The following RABEP1 variants were observed in gnomAD, a reference collection of about 807,000 sequenced individuals.
RABEP1 encodes rabaptin, RAB GTPase binding effector protein 1.
In RABEP1, 51 loss-of-function variants were observed where a neutral mutation model predicts 123.4. The ratio of observed to expected loss-of-function variants is 0.41; its 90% CI spans 0.33 to 0.52. The LOEUF is 0.52. Among genes scored for constraint, RABEP1 ranks in the 20% least tolerant of loss-of-function variants. RABEP1 has a pLI of 0.16. For synonymous variants in RABEP1, 347 were observed against 355.2 expected (o/e 0.98, Z 0.26); for missense variants, 888 against 996.3 (o/e 0.89, Z 1.46).
chr17:5,298,033 A>C (rs1352424141), intron 1 of RABEP1, among the ~76,000 whole-genome samples: 2 of 152,134 alleles, frequency 1.3e-5, no homozygotes, highest in African/African-American at 4.8e-5. Flanking sequence ...AATCTCCTTC[A>C]TCCACATGTA....
intron 12 of RABEP1, among the ~76,000 whole-genome samples, chr17:5,368,976 T>G (rs1257256699): frequency 6.6e-6 from 1 of 152,034 alleles, no homozygotes; most frequent in Non-Finnish European, 1.5e-5. Flanking sequence ...GGCGTGGTGG[T>G]GTGCACCTGC....
At chr17:5,347,345 G>A (rs1027478039) in intron 6 of RABEP1, among the ~76,000 whole-genome samples, 7 of 152,202 alleles carry the variant, frequency 4.6e-5, no homozygotes, top group Admixed American at 4.6e-4. Flanking sequence ...AGGAGGCAGA[G>A]GTTGCGGTGA....
At chr17:5,368,130 T>C (rs554292741) in intron 11 of RABEP1, among the ~76,000 whole-genome samples, 2 of 152,294 alleles carry the variant, frequency 1.3e-5, no homozygotes, top group African/African-American at 4.8e-5. Context: ...TAGAAACCCA[T>C]AGAATGCTCT....
chr17:5,323,276 A>C (rs547557031), intron 2 of RABEP1, among the ~76,000 whole-genome samples: 1 of 152,304 alleles, frequency 6.6e-6, no homozygotes, highest in East Asian at 1.9e-4. Flanking sequence ...GAAGAGTTGA[A>C]GGCCTTTCCT....
At position 5,331,936 on chromosome 17, in the gene RABEP1, C is replaced by A; in HGVS notation, c.164-13C>A. ...GTGAACATTAATGGACTATCTTTTA[C>A]TTTTCTCTCCAGAGGATCTGAAGAG... On this transcript the variant is annotated splice_polypyrimidine_tract_variant and intron_variant, in intron 2 of 17. Coordinates refer to ENST00000537505, the MANE Select transcript of RABEP1 (RefSeq NM_004703.6). 3 of 1,612,586 alleles carry A rather than the reference C, an allele frequency of 1.9e-6. No homozygotes were observed. Among genetic ancestry groups the A allele is most frequent in the Non-Finnish European group, 2.5e-6 (3 of 1,178,756 alleles).
At chr17:5,284,761 C>T (rs569107703) in intron 1 of RABEP1, among the ~76,000 whole-genome samples, 2 of 151,826 alleles carry the variant, frequency 1.3e-5, no homozygotes, top group South Asian at 2.1e-4. Flanking sequence ...CCCGTGAGTC[C>T]GGCTTTTGGG....
intron 11 of RABEP1, among the ~76,000 whole-genome samples, chr17:5,367,427 A>T (rs962712812): frequency 6.6e-5 from 10 of 150,598 alleles, no homozygotes; most frequent in South Asian, 2.1e-4. Flanking sequence ...ACCCGCCACC[A>T]CGCCCGGCTA....
At chr17:5,360,274 A>G (rs1186176514) in intron 8 of RABEP1, among the ~76,000 whole-genome samples, 1 of 152,198 alleles carries the variant, frequency 6.6e-6, no homozygotes, top group Non-Finnish European at 1.5e-5. Flanking sequence ...AAAATACCAC[A>G]TTCTTGGGCC....
rs1406052529 is a variant in RABEP1 at position 5,282,452 on chromosome 17, G to T, written c.-35G>T. ...CGGGAGCCCAGGACGCCGCTTCCCC[G>T]CCCATCCCCGCTCCCCGAGGCCGGC... is the stretch of plus-strand genomic sequence containing the variant. On this transcript the variant is annotated 5_prime_UTR_variant, in exon 1 of 18. Coordinates refer to ENST00000537505, the MANE Select transcript of RABEP1 (RefSeq NM_004703.6). The T allele has an allele frequency of 1.5e-6, 2 of 1,344,196 alleles. No homozygotes were observed. The highest frequency in any genetic ancestry group is 1.8e-5 in the South Asian group (1 of 57,110). 83.3% of individuals were successfully genotyped at this position (1,344,196 alleles called of 1,614,324 possible).
chr17:5,294,633 C>T (rs12950229), intron 1 of RABEP1, among the ~76,000 whole-genome samples: 112 of 53,018 alleles, frequency 2.1e-3, no homozygotes, highest in Admixed American at 3.5e-3. Context: ...ACGGTATTGT[C>T]TTTTTTTTTT....
At chr17:5,343,232 A>G (rs180963862) in intron 5 of RABEP1, among the ~76,000 whole-genome samples, 1 of 152,246 alleles carries the variant, frequency 6.6e-6, no homozygotes, top group East Asian at 1.9e-4. Context: ...AGCCTAGGCG[A>G]CGAGTGAAAC....
chr17:5,356,788 C>G (rs909611896), intron 8 of RABEP1, among the ~76,000 whole-genome samples: 1 of 149,648 alleles, frequency 6.7e-6, no homozygotes, highest in African/African-American at 2.5e-5. Flanking sequence ...GTAGCTGAGA[C>G]TACAGGCATC....
intron 4 of RABEP1, among the ~76,000 whole-genome samples, chr17:5,335,740 A>G (rs1238283425): frequency 6.6e-6 from 1 of 152,168 alleles, no homozygotes; most frequent in Admixed American, 6.5e-5. Context: ...CCTTGCTAAA[A>G]TATAAGCTCT....
chr17:5,339,658 C>T (rs867862932), intron 5 of RABEP1, among the ~76,000 whole-genome samples: 6 of 112,810 alleles, frequency 5.3e-5, no homozygotes, highest in Admixed American at 2.5e-4. Flanking sequence ...ATTAGCCAGG[C>T]GTGGTGGCCA....
intron 1 of RABEP1, among the ~76,000 whole-genome samples, chr17:5,308,294 C>T (rs1238171494): frequency 4.7e-5 from 7 of 149,624 alleles, no homozygotes; most frequent in Non-Finnish European, 8.9e-5. Context: ...GGTGCGATCT[C>T]GGCCCACTGC....
chr17:5,344,771 C>CAAAAAAAAA (rs1177790100), intron 5 of RABEP1, among the ~76,000 whole-genome samples: 5 of 46,932 alleles, frequency 1.1e-4, no homozygotes, highest in Non-Finnish European at 1.1e-4. Flanking sequence ...GACACTGTCT[C>CAAAAAAAAA]AAAAAAAAAA....
At chr17:5,379,964 G>A (rs770555941) in intron 15 of RABEP1, among the ~76,000 whole-genome samples, 9 of 152,138 alleles carry the variant, frequency 5.9e-5, no homozygotes, top group African/African-American at 1.7e-4. Flanking sequence ...TTTAGTGCGT[G>A]CCATCCATTC....
intron 17 of RABEP1, among the ~76,000 whole-genome samples, chr17:5,382,184 C>T (rs572502276): frequency 2.8e-4 from 42 of 151,338 alleles, no homozygotes; most frequent in South Asian, 2.5e-3. Flanking sequence ...TGGATTCCAG[C>T]GATTCTCCTG....
chr17:5,366,830 C>T (rs1910035040), intron 11 of RABEP1, among the ~76,000 whole-genome samples: 1 of 151,930 alleles, frequency 6.6e-6, no homozygotes, highest in Non-Finnish European at 1.5e-5. Flanking sequence ...TGGCTCACAC[C>T]TGTAATCCCA....
Sources: gnomAD v4.1 joint callset for allele counts (sites outside exome capture counted in the v4.1 genomes callset) on GRCh38, gnomAD v4.1.1 for gene constraint, MANE v1.5 for transcripts, NCBI Gene and HGNC (gene_info 2026-07-23, HGNC 2026-07-21) for gene names.